Variants in AP2A1 observed in about 807,000 individuals in gnomAD.
AP2A1 encodes the protein AP-2 complex subunit alpha-1.
A neutral mutation model predicts 107.3 loss-of-function variants in AP2A1; 21 were observed. The observed-to-expected ratio is 0.20, with a 90% CI of 0.14 to 0.28. The LOEUF (loss-of-function observed/expected upper bound fraction) is 0.28, where lower values mean the gene tolerates loss of function less well. Ranked by LOEUF, AP2A1 falls within the 10% of genes least tolerant of loss-of-function variation. The pLI is 1.00. For missense variants in AP2A1, 873 were observed against 1,307.7 expected (o/e 0.67, Z 5.13); for synonymous variants, 602 against 564.8 (o/e 1.07, Z -0.93).
At chr19:49,805,382 C>T (rs545899647) in intron 18 of AP2A1, 71 bp from the exon 19 acceptor site, 44 of 1,455,720 alleles carry the variant, frequency 3.0e-5, no homozygotes, top group Non-Finnish European at 3.8e-5. Flanking sequence ...GCCGGGAGCT[C>T]TGGGGTTCCT....
chr19:49,805,730 C>A lies in AP2A1; in HGVS notation c.2538C>A (p.Thr846=). ...CCATCAACAAGTTCTTCCAGCCCAC[C>A]GAGATGGCGGCCCAGGATTTCTTCC... ...PVTINKFFQP[T]EMAAQDFFQR... Residue 846 remains threonine, a synonymous_variant, in exon 20 of 23, where the codon ACC becomes ACA. Coordinates refer to ENST00000354293, the MANE Select transcript of AP2A1 (RefSeq NM_130787.3). 6.4e-7 allele frequency: 1 copy of A among 1,574,206 alleles called. No individual in the cohort carries two copies.
chr19:49,771,067 G>C (rs1040874595), intron 1 of AP2A1, among the ~76,000 whole-genome samples: 17 of 151,846 alleles, frequency 1.1e-4, no homozygotes, highest in African/African-American at 3.9e-4. Context: ...GGTCAGGATG[G>C]TCTCGAACTC....
In AP2A1 at chr19:49,807,025, TC is replaced by T; in HGVS notation, c.*270del. ...CCAGGGAAGTGGATGTCTCCTCCCC[TC>T]CCACCCCACCCTGTTGTAGCCCCTC... On this transcript the variant is annotated 3_prime_UTR_variant, in exon 23 of 23. Coordinates refer to ENST00000354293, the MANE Select transcript of AP2A1 (RefSeq NM_130787.3). The T allele has an allele frequency of 1.6e-6, 1 of 630,704 alleles. No homozygotes were observed. Among genetic ancestry groups the T allele is most frequent in the Non-Finnish European group, 2.2e-6 (1 of 451,544 alleles). The allele number at this position is 630,704 out of a possible 1,614,324, so 39.1% of individuals were successfully genotyped here. A position where few individuals can be genotyped will look rare whatever the true frequency, so the allele number is the denominator to read the frequency against.
At chr19:49,783,823 C>T (rs985475124) in intron 4 of AP2A1, among the ~76,000 whole-genome samples, 2 of 152,160 alleles carry the variant, frequency 1.3e-5, no homozygotes, top group Non-Finnish European at 2.9e-5. Context: ...AGAAATAAAC[C>T]CCCTTGGGGA....
chr19:49,802,603 A>AGGGGTGGCCT, intron 15 of AP2A1: 9 of 1,301,070 alleles, frequency 6.9e-6, no homozygotes, highest in Non-Finnish European at 9.5e-6. Context: ...CTGCTGAGTA[A>AGGGGTGGCCT]GGGGTGGCCT....
rs573713679 is a variant in AP2A1, at chr19:49,778,341, G to A, written c.68-3416G>A. Among the ~76,000 whole-genome samples, 15 of 152,276 alleles carry A rather than the reference G, an allele frequency of 9.9e-5. 1 individual carries two copies. In the South Asian group the frequency reaches 3.1e-3, roughly 32 times the overall value. ...CTTACACCTGTAATCCCAGCACTTT[G>A]GGAGGCTGAGGCAGGCAGATCACTT... is the stretch of plus-strand genomic sequence containing the variant. On this transcript the variant is annotated intron_variant, in intron 1 of 22. Coordinates refer to ENST00000354293, the MANE Select transcript of AP2A1 (RefSeq NM_130787.3).
At chr19:49,782,203 T>A (rs1181736937) in intron 3 of AP2A1, 114 bp downstream of exon 3, 8 of 429,850 alleles carry the variant, frequency 1.9e-5, no homozygotes, top group Non-Finnish European at 2.6e-5. Context: ...TCTGGACTCC[T>A]GGGTATGAGG....
intron 1 of AP2A1, among the ~76,000 whole-genome samples, chr19:49,768,282 TG>T (rs1476176293): frequency 6.6e-6 from 1 of 152,036 alleles, no homozygotes. Flanking sequence ...GGAATGGCTG[TG>T]GGTGATTGGA....
intron 4 of AP2A1, among the ~76,000 whole-genome samples, chr19:49,784,165 G>A (rs186719785): frequency 1.9e-3 from 282 of 152,322 alleles, no homozygotes; most frequent in Non-Finnish European, 2.7e-3. Flanking sequence ...TGGTGCTCAC[G>A]CCTGTAATCC....
At chr19:49,786,421 G>T (rs867565978) in intron 4 of AP2A1, among the ~76,000 whole-genome samples, 1 of 152,246 alleles carries the variant, frequency 6.6e-6, no homozygotes, top group East Asian at 1.9e-4. Flanking sequence ...GTGTCTCTCA[G>T]TTTGGACTCG....
intron 4 of AP2A1, among the ~76,000 whole-genome samples, chr19:49,790,922 C>T (rs530795309): frequency 1.3e-5 from 2 of 152,378 alleles, no homozygotes; most frequent in East Asian, 3.8e-4. Context: ...GTCGTGTTAA[C>T]ATCACGCTGA....
chr19:49,802,979 TC>T lies in AP2A1; in HGVS notation c.2147del (p.Pro716ArgfsTer7), dbSNP rs772209315. The T allele has an allele frequency of 6.2e-7, 1 of 1,613,416 alleles. No individual in the cohort carries two copies. The highest frequency in any genetic ancestry group is 1.7e-5 in the Admixed American group (1 of 59,924). ...GTCCTGAGGACATCGGCCCTCCCAT[TC>T]CGGAAGCCGATGAGTTGCTGAATAA... ...PGPEDIGPPI[P>X]EADELLNKFV... On this transcript the variant is annotated frameshift_variant, in exon 16 of 23. Coordinates refer to ENST00000354293, the MANE Select transcript of AP2A1 (RefSeq NM_130787.3). LOFTEE classifies it high-confidence loss of function.
In AP2A1 at chr19:49,787,339, T is replaced by G. The variant is rs999642301; in HGVS notation, c.474-4596T>G. On this transcript the variant is annotated intron_variant, in intron 4 of 22. Transcript: ENST00000354293. ...CTCCCATCTAGGCTTTTTTTGTTTG[T>G]TTTTTTTGTTTTTTGTTTTTTTTTT... Among the ~76,000 whole-genome samples, 87 of 100,750 alleles carry G rather than the reference T, an allele frequency of 8.6e-4. 1 individual carries two copies. The highest frequency in any genetic ancestry group is 4.9e-3 in the Middle Eastern group (1 of 204). 66.1% of individuals were successfully genotyped at this position (100,750 alleles called of 152,430 possible). A position where few individuals can be genotyped will look rare whatever the true frequency, so the allele number is the denominator to read the frequency against.
chr19:49,797,199 G>A (rs1195704030), intron 7 of AP2A1: 1 of 152,170 alleles, frequency 6.6e-6, no homozygotes, highest in Non-Finnish European at 1.5e-5. Context: ...TGGGCCTGAG[G>A]ACACACCAAC....
In AP2A1 at chr19:49,805,463, G is replaced by T; in HGVS notation, c.2355G>T (p.Val785=). ...HPGDLQTQLA[V]QTKRVAAQVD... is the part of the protein sequence containing the mutation. ...ACTCCTGGCGGGCACAGCTGGCTGTGCAGACCAAGCGCGTGGCGGCGCAGG... is the reference window on the plus strand; with the variant it reads ...ACTCCTGGCGGGCACAGCTGGCTGTTCAGACCAAGCGCGTGGCGGCGCAGG... The change falls in exon 19 of 23, where the codon GTG becomes GTT. Residue 785 remains valine (V), a synonymous_variant. Coordinates refer to ENST00000354293, the MANE Select transcript of AP2A1 (RefSeq NM_130787.3). 1 of 1,546,026 alleles carries T rather than the reference G, an allele frequency of 6.5e-7. No individual in the cohort carries two copies. The highest frequency in any genetic ancestry group is 8.7e-7 in the Non-Finnish European group (1 of 1,143,852).
rs1487502185 is a variant in AP2A1, at chr19:49,803,201, G to A, written c.2254+12G>A. ...CCGACAGAACCTGGGTGTGTCCCGG[G>A]GGACTGTGGGAATGGGTCGGAGGGA... is the stretch of plus-strand genomic sequence containing the variant. On this transcript the variant is annotated intron_variant, in intron 17 of 22. Coordinates refer to ENST00000354293, the MANE Select transcript of AP2A1 (RefSeq NM_130787.3). The A allele has an allele frequency of 1.9e-6, 3 of 1,613,796 alleles. No individual in the cohort carries two copies. The highest frequency in any genetic ancestry group is 2.2e-5 in the East Asian group (1 of 44,898).
rs770483282 is a variant in AP2A1 at position 49,791,986 on chromosome 19, G to A, written c.525G>A (p.Leu175=). The change falls in exon 5 of 23, where the codon CTG becomes CTA. Residue 175 remains leucine (L), a synonymous_variant. Transcript: ENST00000354293. ...KQSAALCLLR[L]YKASPDLVPM... is the part of the protein sequence containing the mutation. Reference sequence around the variant, plus strand: ...GTGCGGCCCTGTGCCTCCTTCGACTGTACAAGGCCTCGCCTGACCTGGTGC... The same window carrying A: ...GTGCGGCCCTGTGCCTCCTTCGACTATACAAGGCCTCGCCTGACCTGGTGC... 6.2e-7 allele frequency: 1 copy of A among 1,612,720 alleles called. No individual in the cohort carries two copies. The highest frequency in any genetic ancestry group is 1.1e-5 in the South Asian group (1 of 90,998).
intron 5 of AP2A1, 71 bp from the exon 6 acceptor site, chr19:49,792,920 C>T (rs2073164822): frequency 6.0e-6 from 8 of 1,330,770 alleles, no homozygotes; most frequent in Admixed American, 2.0e-5. Context: ...GACCCTGTCC[C>T]GCTCCTGAGC....
chr19:49,800,490 C>T (rs1354462952), intron 11 of AP2A1, among the ~76,000 whole-genome samples: 3 of 152,216 alleles, frequency 2.0e-5, no homozygotes, highest in Non-Finnish European at 2.9e-5. Context: ...CGGAGTCTCA[C>T]TCTGTTGCCC....
Sources: allele counts gnomAD v4.1 joint callset (sites outside exome capture counted in the v4.1 genomes callset), GRCh38; gene constraint gnomAD v4.1.1; transcripts MANE v1.5; gene names NCBI Gene and HGNC (gene_info 2026-07-23, HGNC 2026-07-21).